The following ABCD2 variants were observed in gnomAD, a reference collection of about 807,000 sequenced individuals.
ABCD2 encodes ATP binding cassette subfamily D member 2.
ABCD2 carries 36 observed loss-of-function variants against 70.9 expected under a neutral mutation model. The observed-to-expected ratio is 0.51, with a 90% CI of 0.39 to 0.67. ABCD2 has a LOEUF of 0.67. Ranked by LOEUF, ABCD2 falls within the 30% of genes least tolerant of loss-of-function variation. ABCD2 has a pLI of 0.00. For synonymous variants in ABCD2, 304 were observed against 306.9 expected, an observed-to-expected ratio of 0.99 and a Z score of 0.10; for missense variants, 729 against 890.2, an observed-to-expected ratio of 0.82 and a Z score of 2.30.
chr12:39,577,931 T>A (rs1045078820), intron 8 of ABCD2, among the ~76,000 whole-genome samples: 1 of 152,224 alleles, frequency 6.6e-6, no homozygotes, highest in African/African-American at 2.4e-5. Context: ...TTGACTTTTT[T>A]TCCGTAATTA....
chr12:39,590,841 AG>A (rs1941735796), intron 6 of ABCD2, among the ~76,000 whole-genome samples: 2 of 152,086 alleles, frequency 1.3e-5, no homozygotes, highest in Non-Finnish European at 2.9e-5. Flanking sequence ...AGAATGGGAA[AG>A]CACTGAGAAG....
chr12:39,543,161 G>T, the ABCD2 span, among the ~76,000 whole-genome samples: 1 of 152,090 alleles, frequency 6.6e-6, no homozygotes, highest in Non-Finnish European at 1.5e-5. Flanking sequence ...TATCAATAAA[G>T]ATTGTGATAA....
intron 6 of ABCD2, among the ~76,000 whole-genome samples, chr12:39,587,416 G>A (rs547649196): frequency 8.5e-5 from 13 of 152,274 alleles, no homozygotes; most frequent in African/African-American, 2.9e-4. Flanking sequence ...CATTATGCCT[G>A]ATGTCTACCC....
the ABCD2 span, among the ~76,000 whole-genome samples, chr12:39,540,801 A>C: frequency 6.6e-6 from 1 of 152,198 alleles, no homozygotes. Context: ...TTCCCCCACC[A>C]GCTTGAATTG....
chr12:39,610,393 G>C (rs1433877846), intron 2 of ABCD2, among the ~76,000 whole-genome samples: 2 of 152,104 alleles, frequency 1.3e-5, no homozygotes, highest in Admixed American at 1.3e-4. Flanking sequence ...TTGGTATGAG[G>C]GAGAAGCAAA....
At chr12:39,533,454 C>T in the ABCD2 span, among the ~76,000 whole-genome samples, 1 of 151,816 alleles carries the variant, frequency 6.6e-6, no homozygotes, top group Non-Finnish European at 1.5e-5. Flanking sequence ...ATTGATGAGC[C>T]CTGAAAGAGA....
the ABCD2 span, among the ~76,000 whole-genome samples, chr12:39,543,939 T>A: frequency 6.6e-6 from 1 of 152,168 alleles, no homozygotes; most frequent in Non-Finnish European, 1.5e-5. Flanking sequence ...TATACGTCCT[T>A]CTCTAATGAT....
At chr12:39,543,610 A>T in the ABCD2 span, among the ~76,000 whole-genome samples, 2 of 152,198 alleles carry the variant, frequency 1.3e-5, no homozygotes, top group Non-Finnish European at 2.9e-5. Context: ...ATTATTTTAC[A>T]TACAATCCAG....
chr12:39,537,291 GA>G, the ABCD2 span, among the ~76,000 whole-genome samples: 292 of 152,260 alleles, frequency 1.9e-3, 2 homozygotes, highest in African/African-American at 6.5e-3. Context: ...AATCTCAGTT[GA>G]TGGTATATCC....
At chr12:39,565,387 A>G (rs1393500622) in intron 9 of ABCD2, among the ~76,000 whole-genome samples, 1 of 152,198 alleles carries the variant, frequency 6.6e-6, no homozygotes, top group Non-Finnish European at 1.5e-5. Context: ...TTCTCTTGGA[A>G]GCAATTGTGA....
chr12:39,567,717 G>C (rs967056477), intron 9 of ABCD2, among the ~76,000 whole-genome samples: 4 of 152,176 alleles, frequency 2.6e-5, no homozygotes, highest in African/African-American at 7.2e-5. Flanking sequence ...TTTCTTCCTA[G>C]TCTGCATGGT....
chr12:39,580,005 A>G (rs1941574667), intron 7 of ABCD2, among the ~76,000 whole-genome samples: 1 of 152,180 alleles, frequency 6.6e-6, no homozygotes, highest in African/African-American at 2.4e-5. Context: ...AAAGGAACTA[A>G]TTTAGGTGGC....
At chr12:39,604,124 A>G (rs1941938699) in intron 4 of ABCD2, 118 bp from the exon 5 acceptor site, 5 of 697,016 alleles carry the variant, frequency 7.2e-6, no homozygotes, top group East Asian at 5.8e-5. Context: ...ACAGTAATAA[A>G]TCACAGAAAC....
At position 39,551,105 on chromosome 12, in the gene ABCD2, T is replaced by C. The variant is rs1941081341; in HGVS notation, c.*2807A>G. On this transcript the variant is annotated 3_prime_UTR_variant, in exon 10 of 10. Coordinates refer to ENST00000308666, the MANE Select transcript of ABCD2 (RefSeq NM_005164.4). Reference sequence around the variant, plus strand: ...TAAGGTATATCATTCTTCTTGAGATTATTTCAGAGGGATTATTACACATTA... The same window carrying C: ...TAAGGTATATCATTCTTCTTGAGATCATTTCAGAGGGATTATTACACATTA... 1 of 151,716 alleles carries C rather than the reference T, an allele frequency of 6.6e-6. No individual in the cohort carries two copies. Among genetic ancestry groups the C allele is most frequent in the African/African-American group, 2.4e-5 (1 of 41,432 alleles). The allele number at this position is 151,716 out of a possible 1,614,324, so 9.4% of individuals were successfully genotyped here.
At chr12:39,559,378 C>CAAAA (rs199560381) in intron 9 of ABCD2, among the ~76,000 whole-genome samples, 6 of 60,390 alleles carry the variant, frequency 9.9e-5, no homozygotes, top group South Asian at 8.0e-4. Flanking sequence ...ACTCCAGCTC[C>CAAAA]AAAAAAAAAA....
intron 9 of ABCD2, among the ~76,000 whole-genome samples, chr12:39,562,132 T>A (rs540199862): frequency 1.1e-4 from 16 of 152,170 alleles, no homozygotes; most frequent in African/African-American, 3.9e-4. Flanking sequence ...TTTAAAAATT[T>A]TCTTCTGAAA....
intron 9 of ABCD2, among the ~76,000 whole-genome samples, chr12:39,569,351 G>A (rs1566544182): frequency 6.6e-6 from 1 of 152,164 alleles, no homozygotes; most frequent in Non-Finnish European, 1.5e-5. Flanking sequence ...CAGCCTTGCT[G>A]CCGTCTTGCA....
chr12:39,541,366 A>G, the ABCD2 span, among the ~76,000 whole-genome samples: 3 of 152,202 alleles, frequency 2.0e-5, no homozygotes, highest in South Asian at 6.2e-4. Flanking sequence ...AAAAATGAGT[A>G]AAGTCGGTGA....
downstream of ABCD2, chr12:39,549,945 T>C (rs1006314028): frequency 6.6e-5 from 10 of 151,836 alleles, no homozygotes; most frequent in Admixed American, 3.9e-4. Context: ...TTGTGCCTAC[T>C]TGGTAAGTAC....
Sources: allele counts gnomAD v4.1 joint callset (sites outside exome capture counted in the v4.1 genomes callset), GRCh38; gene constraint gnomAD v4.1.1; transcripts MANE v1.5; gene names NCBI Gene and HGNC (gene_info 2026-07-23, HGNC 2026-07-21).